Variants in NEK1 observed in about 807,000 individuals in gnomAD.
NEK1 encodes serine/threonine-protein kinase Nek1.
NEK1 carries 137 observed loss-of-function variants against 182.1 expected under a neutral mutation model. That is an observed-to-expected ratio of 0.75 (90% CI 0.65 to 0.87). The LOEUF (loss-of-function observed/expected upper bound fraction) is 0.87. Ranked by LOEUF, NEK1 falls within the 40% of genes least tolerant of loss-of-function variation. NEK1 has a pLI of 0.00. For synonymous variants in NEK1, 513 were observed against 492.2 expected (o/e 1.04, Z -0.56); for missense variants, 1,391 against 1,494.4 (o/e 0.93, Z 1.14).
At chr4:169,503,547 G>T (rs1561308877) in intron 23 of NEK1, among the ~76,000 whole-genome samples, 1 of 152,030 alleles carries the variant, frequency 6.6e-6, no homozygotes, top group Non-Finnish European at 1.5e-5. Flanking sequence ...ACAGAATAGA[G>T]AACCCAGAAA....
chr4:169,483,643 G>A (rs372956410), intron 23 of NEK1, among the ~76,000 whole-genome samples: 15 of 152,036 alleles, frequency 9.9e-5, no homozygotes, highest in African/African-American at 3.6e-4. Flanking sequence ...AAGGCGGGTG[G>A]ATCACAAGGT....
chr4:169,435,007 T>C (rs972122573), intron 28 of NEK1, among the ~76,000 whole-genome samples: 2 of 152,238 alleles, frequency 1.3e-5, no homozygotes, highest in African/African-American at 4.8e-5. Flanking sequence ...ACAGCTTCCA[T>C]AGTATGCCTA....
intron 5 of NEK1, among the ~76,000 whole-genome samples, chr4:169,596,526 CATT>C (rs1474030192): frequency 6.6e-6 from 1 of 152,304 alleles, no homozygotes; most frequent in South Asian, 2.1e-4. Context: ...TAGTTCATCT[CATT>C]ATTTTCTATT....
At chr4:169,552,576 T>C (rs1761589749) in intron 18 of NEK1, among the ~76,000 whole-genome samples, 1 of 152,092 alleles carries the variant, frequency 6.6e-6, no homozygotes, top group African/African-American at 2.4e-5. Context: ...AACATCATAT[T>C]GGAAGTTCTA....
At chr4:169,566,541 T>C (rs1216639154) in intron 12 of NEK1, among the ~76,000 whole-genome samples, 7 of 151,962 alleles carry the variant, frequency 4.6e-5, no homozygotes, top group Non-Finnish European at 7.4e-5. Flanking sequence ...TAACAGAGCC[T>C]TTAAAAAAAA....
At chr4:169,592,199 C>T (rs1768639551) in intron 5 of NEK1, among the ~76,000 whole-genome samples, 2 of 151,906 alleles carry the variant, frequency 1.3e-5, no homozygotes, top group Non-Finnish European at 2.9e-5. Flanking sequence ...ATTCACATAC[C>T]ATTTGAAACA....
At chr4:169,471,724 C>T (rs1445928402) in intron 26 of NEK1, among the ~76,000 whole-genome samples, 1 of 152,164 alleles carries the variant, frequency 6.6e-6, no homozygotes, top group Non-Finnish European at 1.5e-5. Context: ...GCTGTGCCCA[C>T]AGCTGCCCCT....
chr4:169,563,037 A>C (rs984445690), intron 12 of NEK1, among the ~76,000 whole-genome samples: 54 of 152,100 alleles, frequency 3.6e-4, no homozygotes, highest in African/African-American at 1.2e-3. Context: ...CAATTATCTT[A>C]TACTTTACTC....
intron 29 of NEK1, among the ~76,000 whole-genome samples, 182 bp downstream of exon 29, chr4:169,433,363 T>A (rs1359911121): frequency 6.6e-6 from 1 of 152,224 alleles, no homozygotes; most frequent in Non-Finnish European, 1.5e-5. Flanking sequence ...CCCGGCCTCT[T>A]CAAATATTTT....
At chr4:169,490,726 AAACAATCTGTGAATTT>A (rs949899608) in intron 23 of NEK1, among the ~76,000 whole-genome samples, 3 of 152,062 alleles carry the variant, frequency 2.0e-5, no homozygotes, top group Non-Finnish European at 4.4e-5. Flanking sequence ...CAAGCAGAGG[AAACAATCTGTGAATTT>A]GAAGATAGGT....
chr4:169,407,605 A>G (rs565789720), intron 31 of NEK1, among the ~76,000 whole-genome samples: 1 of 152,368 alleles, frequency 6.6e-6, no homozygotes, highest in East Asian at 1.9e-4. Flanking sequence ...TAATAGAAAT[A>G]GCCTCTGTCC....
chr4:169,575,037 T>C (rs897604595), intron 12 of NEK1, among the ~76,000 whole-genome samples: 1 of 152,094 alleles, frequency 6.6e-6, no homozygotes, highest in African/African-American at 2.4e-5. Flanking sequence ...CACCAACCTA[T>C]AGAAAACTAT....
Position 169,476,278 on chromosome 4 carries a change from T to G in NEK1, c.2434+846A>C, listed in dbSNP as rs558229330. 8.2e-4 allele frequency among the ~76,000 whole-genome samples: 124 copies of G among 152,138 alleles called. 3 individuals are homozygous for G. The South Asian group carries it at 0.025, about 30-fold the overall frequency. On this transcript the variant is annotated intron_variant, in intron 26 of 35. Transcript: ENST00000507142. ...TCATGGGGGCTCTTCCAAGGCTGAT[T>G]TATGGTCTCTTATGTATTCCTGCAG...
intron 19 of NEK1, among the ~76,000 whole-genome samples, chr4:169,537,280 T>A (rs918833549): frequency 2.0e-5 from 3 of 152,198 alleles, no homozygotes; most frequent in South Asian, 2.1e-4. Context: ...ACCTAAAAAC[T>A]TAATATTTTC....
At chr4:169,556,551 G>A (rs1163435956) in intron 16 of NEK1, among the ~76,000 whole-genome samples, 1 of 152,050 alleles carries the variant, frequency 6.6e-6, no homozygotes, top group African/African-American at 2.4e-5. Flanking sequence ...AAGCAGATAT[G>A]AAGGTATAAA....
intron 23 of NEK1, among the ~76,000 whole-genome samples, chr4:169,493,357 G>A (rs1561287198): frequency 6.6e-6 from 1 of 152,196 alleles, no homozygotes; most frequent in Non-Finnish European, 1.5e-5. Context: ...GAAGGAATCA[G>A]TGAAAGAACT....
intron 10 of NEK1, among the ~76,000 whole-genome samples, chr4:169,584,195 G>C (rs960811368): frequency 1.3e-4 from 19 of 151,472 alleles, no homozygotes; most frequent in African/African-American, 4.1e-4. Context: ...CAAATATTAT[G>C]CACCTACATG....
chr4:169,590,672 T>C, intron 6 of NEK1, 54 bp downstream of exon 6: 1 of 1,355,400 alleles, frequency 7.4e-7, no homozygotes, highest in South Asian at 1.3e-5. Flanking sequence ...CCCAAAACAA[T>C]GAAGGTTCCA....
intron 2 of NEK1, among the ~76,000 whole-genome samples, chr4:169,607,358 G>A (rs914218257): frequency 1.3e-5 from 2 of 152,160 alleles, no homozygotes; most frequent in African/African-American, 4.8e-5. Flanking sequence ...GGACTTGAAA[G>A]TAACCATGAT....
Sources: allele counts gnomAD v4.1 joint callset (sites outside exome capture counted in the v4.1 genomes callset), GRCh38; gene constraint gnomAD v4.1.1; transcripts MANE v1.5; gene names NCBI Gene and HGNC (gene_info 2026-07-23, HGNC 2026-07-21).